The following FREM2 variants were observed in gnomAD, a reference collection of about 807,000 sequenced individuals.
FREM2 encodes the protein FRAS1 related extracellular matrix 2.
A neutral mutation model predicts 219.9 loss-of-function variants in FREM2; 119 were observed. That is an observed-to-expected ratio of 0.54 (90% confidence interval 0.47 to 0.63). The LOEUF is 0.63. FREM2 is among the 30% of genes least tolerant of loss of function. The pLI, the probability that FREM2 is intolerant of heterozygous loss-of-function variation, is 0.00. For missense variants in FREM2, 4,030 were observed against 3,993.6 expected (o/e 1.01, Z -0.25); for synonymous variants, 1,562 against 1,522.8 (o/e 1.03, Z -0.60).
At chr13:38,703,738 A>G (rs1370307095) in intron 2 of FREM2, among the ~76,000 whole-genome samples, 1 of 152,302 alleles carries the variant, frequency 6.6e-6, no homozygotes, top group African/African-American at 2.4e-5. Flanking sequence ...TTCCAAAATT[A>G]TACATTATAT....
At position 38,769,648 on chromosome 13, in the gene FREM2, G is replaced by T; in HGVS notation, c.5481G>T (p.Gln1827His). 1 of 1,614,194 alleles carries T rather than the reference G, an allele frequency of 6.2e-7. No homozygotes were observed. Among genetic ancestry groups the T allele is most frequent in the Non-Finnish European group, 8.5e-7 (1 of 1,180,020 alleles). ...AGGGCAAAGCACAGAAACAAGTGCAGTTCAACCCAGGCCAGACCAGGGCCA... is the reference window on the plus strand; with the variant it reads ...AGGGCAAAGCACAGAAACAAGTGCATTTCAACCCAGGCCAGACCAGGGCCA... Reference protein sequence around the residue: ...DFKGKAQKQVQFNPGQTRATW... With the variant: ...DFKGKAQKQVHFNPGQTRATW... The change falls in exon 4 of 24, where the codon CAG (glutamine) becomes CAT (histidine). Residue 1827 changes from glutamine to histidine, a missense_variant. This residue lies in a region of FREM2 where 3,102 missense variants were observed against 2,950.7 expected (regional missense o/e 1.05). Transcript: ENST00000280481.
At chr13:38,702,248 A>T (rs1284337080) in intron 2 of FREM2, among the ~76,000 whole-genome samples, 3 of 152,160 alleles carry the variant, frequency 2.0e-5, no homozygotes, top group African/African-American at 7.2e-5. Flanking sequence ...CTTAAGATTG[A>T]AGTATTAACC....
At chr13:38,740,627 A>G (rs886489444) in intron 2 of FREM2, among the ~76,000 whole-genome samples, 2 of 152,216 alleles carry the variant, frequency 1.3e-5, no homozygotes, top group African/African-American at 4.8e-5. Flanking sequence ...TGATTTCATT[A>G]TAGCACCTGT....
At chr13:38,834,666 A>G (rs1453984474) in intron 6 of FREM2, among the ~76,000 whole-genome samples, 2 of 152,184 alleles carry the variant, frequency 1.3e-5, no homozygotes, top group Non-Finnish European at 2.9e-5. Flanking sequence ...AATGGTGTTC[A>G]TTGTGGTTCT....
chr13:38,809,369 C>T (rs1875385093), intron 6 of FREM2, among the ~76,000 whole-genome samples: 1 of 151,054 alleles, frequency 6.6e-6, no homozygotes, highest in African/African-American at 2.4e-5. Flanking sequence ...GCTGCCTGTG[C>T]TTATGGGGTA....
chr13:38,691,946 A>G lies in FREM2; in HGVS notation c.4602A>G (p.Pro1534=). The G allele has an allele frequency of 6.2e-7, 1 of 1,614,202 alleles. No individual in the cohort carries two copies. Residue 1534 remains proline (P), a synonymous_variant, in exon 1 of 24, where the codon CCA becomes CCG. Coordinates refer to ENST00000280481, the MANE Select transcript of FREM2 (RefSeq NM_207361.6). ...TTAGCGATGTGGACAATAAAAAGCC[A>G]GTGGTCACCATCCACAAGCTGGTTG... ...ISISDVDNKK[P]VVTIHKLVVS...
chr13:38,877,512 T>A (rs1593459841), intron 21 of FREM2, among the ~76,000 whole-genome samples: 1 of 152,304 alleles, frequency 6.6e-6, no homozygotes, highest in South Asian at 2.1e-4. Flanking sequence ...TCGAATGTTT[T>A]TTTTCAATCT....
rs1302073373 is a variant in FREM2, at chr13:38,876,282, T to G, written c.8444T>G (p.Leu2815Arg). 6.2e-7 allele frequency: 1 copy of G among 1,614,126 alleles called. No individual in the cohort carries two copies. The highest frequency in any genetic ancestry group is 1.3e-5 in the African/African-American group (1 of 75,048). Residue 2815 changes from leucine (L) to arginine (R), a missense_variant, in exon 20 of 24, where the codon CTG (leucine) becomes CGG (arginine). This residue lies in a region of FREM2 where 928 missense variants were observed against 1,042.9 expected (regional missense o/e 0.89). Coordinates refer to ENST00000280481, the MANE Select transcript of FREM2 (RefSeq NM_207361.6). ...TACTCAGGGACCTATACTGTGAAGC[T>G]GGTGCCATGCACTGCCCCATCACAT... ...RDYSGTYTVK[L>R]VPCTAPSHQE...
At chr13:38,722,662 G>A (rs535650915) in intron 2 of FREM2, among the ~76,000 whole-genome samples, 1 of 151,662 alleles carries the variant, frequency 6.6e-6, no homozygotes, top group South Asian at 2.1e-4. Flanking sequence ...TGCTATTTAC[G>A]TTGGAGGCAT....
At chr13:38,856,055 A>AT (rs992889208) in intron 11 of FREM2, 71 bp from the exon 12 acceptor site, 1 of 1,100,784 alleles carries the variant, frequency 9.1e-7, no homozygotes, top group African/African-American at 1.6e-5. Flanking sequence ...TAAAAAAAAA[A>AT]AAAAAAAAAA....
chr13:38,880,718 G>A lies in FREM2; in HGVS notation c.9441G>A (p.Pro3147=), dbSNP rs777764475. The A allele has an allele frequency of 2.1e-5, 34 of 1,614,000 alleles. No homozygotes were observed. In the African/African-American group the frequency reaches 3.2e-4, roughly 15 times the overall value. Residue 3147 remains proline, a synonymous_variant, in exon 24 of 24, where the codon CCG becomes CCA. Transcript: ENST00000280481. ...GKESFRGKDA[P]KGSSSSEPMV... is the part of the protein sequence containing the mutation. ...AAAGTTTCAGGGGGAAGGATGCCCCGAAAGGCTCCAGCAGCAGTGAGCCCA... is the reference window on the plus strand; with the variant it reads ...AAAGTTTCAGGGGGAAGGATGCCCCAAAAGGCTCCAGCAGCAGTGAGCCCA...
chr13:38,812,179 G>A (rs9576625), intron 6 of FREM2, among the ~76,000 whole-genome samples: 23,439 of 152,020 alleles, frequency 0.15, 2,121 homozygotes, highest in East Asian at 0.28. Flanking sequence ...TTCAGTCTAT[G>A]TGTATCTTTA....
intron 6 of FREM2, among the ~76,000 whole-genome samples, chr13:38,827,070 GT>G (rs1360955406): frequency 1.3e-5 from 2 of 151,912 alleles, no homozygotes; most frequent in Admixed American, 6.6e-5. Flanking sequence ...CATCTAAAAT[GT>G]TTACATGTCC....
intron 20 of FREM2, 47 bp downstream of exon 20, chr13:38,876,429 T>A (rs1460113403): frequency 6.5e-7 from 1 of 1,547,306 alleles, no homozygotes; most frequent in East Asian, 2.3e-5. Context: ...AATCCCACTT[T>A]GTTTTTCATT....
intron 6 of FREM2, among the ~76,000 whole-genome samples, chr13:38,794,718 T>TA (rs1247182350): frequency 6.6e-6 from 1 of 152,132 alleles, no homozygotes; most frequent in African/African-American, 2.4e-5. Flanking sequence ...TTATACATGA[T>TA]AAAAACATTG....
chr13:38,793,530 G>C (rs914976618), intron 6 of FREM2, among the ~76,000 whole-genome samples: 2 of 152,194 alleles, frequency 1.3e-5, no homozygotes, highest in Non-Finnish European at 2.9e-5. Flanking sequence ...GTTTGGAGAG[G>C]TGGGCGAGGA....
Position 38,864,566 on chromosome 13 carries a change from T to G in FREM2, c.7943T>G (p.Leu2648Arg). 6.2e-7 allele frequency: 1 copy of G among 1,614,226 alleles called. No homozygotes were observed. ...EFVSYYDMSE[L>R]LADCGGTIGT... is the part of the protein sequence containing the mutation. ...GTTAGCTACTATGACATGTCAGAAC[T>G]CCTTGCTGACTGTGGTGGCACCATT... Residue 2648 changes from leucine to arginine, a missense_variant, in exon 16 of 24, where the codon CTC (leucine) becomes CGC (arginine). Physicochemically the swap from Leu to Arg is moderately radical, Grantham distance 102 (BLOSUM62 -2). Around this residue, in one of 2 missense-constraint regions of FREM2, gnomAD observed 928 missense variants for 1,042.9 expected, o/e 0.89. Transcript: ENST00000280481.
chr13:38,797,270 T>G (rs1296676968), intron 6 of FREM2, among the ~76,000 whole-genome samples: 2 of 152,148 alleles, frequency 1.3e-5, no homozygotes, highest in African/African-American at 2.4e-5. Context: ...GCTTCTGTTA[T>G]TTTTTGTCTT....
chr13:38,758,934 G>A (rs1208626124), intron 2 of FREM2, among the ~76,000 whole-genome samples: 1 of 152,186 alleles, frequency 6.6e-6, no homozygotes, highest in Non-Finnish European at 1.5e-5. Flanking sequence ...TCAGGGGCCT[G>A]AGGTGGGAGG....
Sources: gnomAD v4.1 joint callset for allele counts (sites outside exome capture counted in the v4.1 genomes callset) on GRCh38, gnomAD v4.1.1 for gene constraint, gnomAD v4.1.1 regional missense constraint, MANE v1.5 for transcripts, NCBI Gene and HGNC (gene_info 2026-07-23, HGNC 2026-07-21) for gene names.